The following CEP63 variants were observed in gnomAD, a reference collection of about 807,000 sequenced individuals.
CEP63 encodes the protein centrosomal protein of 63 kDa.
In CEP63, 84 loss-of-function variants were observed where a neutral mutation model predicts 89.1. The observed-to-expected ratio is 0.94, with a 90% CI of 0.79 to 1.13. The LOEUF is 1.13. Among genes scored for constraint, CEP63 ranks in the 50% most tolerant of loss-of-function variants. The pLI is 0.00. For synonymous variants in CEP63, 267 were observed against 272.5 expected, an observed-to-expected ratio of 0.98 and a Z score of 0.20; for missense variants, 838 against 813.3, an observed-to-expected ratio of 1.03 and a Z score of -0.37.
the CEP63 span, among the ~76,000 whole-genome samples, chr3:134,672,606 T>C: frequency 2.0e-5 from 3 of 152,214 alleles, no homozygotes; most frequent in African/African-American, 7.2e-5. Flanking sequence ...TTGCACCTCT[T>C]TCTTGAACAC....
At chr3:134,534,293 T>A (rs1164902627) in intron 5 of CEP63, among the ~76,000 whole-genome samples, 1 of 152,210 alleles carries the variant, frequency 6.6e-6, no homozygotes, top group African/African-American at 2.4e-5. Flanking sequence ...ATAGTTTGAT[T>A]ATCTTTGTGT....
chr3:134,759,620 G>A, the CEP63 span, among the ~76,000 whole-genome samples: 1 of 152,182 alleles, frequency 6.6e-6, no homozygotes, highest in African/African-American at 2.4e-5. Flanking sequence ...TTGGAGAAAG[G>A]AAAAACCAAG....
At chr3:134,665,375 G>A in the CEP63 span, among the ~76,000 whole-genome samples, 1 of 152,314 alleles carries the variant, frequency 6.6e-6, no homozygotes, top group African/African-American at 2.4e-5. Flanking sequence ...AGTGGCTGTT[G>A]CACAAGCAAG....
intron 6 of CEP63, among the ~76,000 whole-genome samples, chr3:134,539,625 TCA>T (rs1951576168): frequency 2.6e-5 from 4 of 152,164 alleles, no homozygotes; most frequent in Admixed American, 2.6e-4. Flanking sequence ...GAAAGGTGGG[TCA>T]CCATTGAACA....
At chr3:134,570,677 G>T (rs1022188117) in intron 11 of CEP63, among the ~76,000 whole-genome samples, 3 of 152,188 alleles carry the variant, frequency 2.0e-5, no homozygotes, top group African/African-American at 7.2e-5. Flanking sequence ...ACCTCTGCCT[G>T]CTACCCAGTT....
downstream of CEP63, among the ~76,000 whole-genome samples, chr3:134,575,225 C>T (rs867042074): frequency 1.6e-4 from 7 of 44,952 alleles, no homozygotes; most frequent in African/African-American, 5.1e-4. Context: ...CTCCCTCCCT[C>T]CCTCCCTCCC....
chr3:134,676,843 T>C, the CEP63 span, among the ~76,000 whole-genome samples: 56 of 152,234 alleles, frequency 3.7e-4, no homozygotes, highest in Non-Finnish European at 6.5e-4. Context: ...GAACCTAGCC[T>C]GGCAGACATG....
chr3:134,776,817 A>G, the CEP63 span, among the ~76,000 whole-genome samples: 2 of 152,248 alleles, frequency 1.3e-5, no homozygotes, highest in Non-Finnish European at 2.9e-5. Flanking sequence ...AAGATATGAC[A>G]CTTACTTGAG....
intron 3 of CEP63, among the ~76,000 whole-genome samples, chr3:134,527,858 AC>A: frequency 6.6e-6 from 1 of 152,162 alleles, no homozygotes; most frequent in Admixed American, 6.5e-5. Context: ...GATGGACAAG[AC>A]TACCCTGCAG....
chr3:134,699,617 C>A, the CEP63 span, among the ~76,000 whole-genome samples: 1 of 152,248 alleles, frequency 6.6e-6, no homozygotes, highest in African/African-American at 2.4e-5. Flanking sequence ...TGCTCCTTGT[C>A]TGTCTGCCTT....
chr3:134,666,523 G>A, the CEP63 span, among the ~76,000 whole-genome samples: 1 of 152,150 alleles, frequency 6.6e-6, no homozygotes, highest in Non-Finnish European at 1.5e-5. Flanking sequence ...GGGCAGGCAG[G>A]AGCCAGGGCA....
chr3:134,660,684 G>C, the CEP63 span, among the ~76,000 whole-genome samples: 1 of 152,196 alleles, frequency 6.6e-6, no homozygotes, highest in Non-Finnish European at 1.5e-5. Flanking sequence ...GATTTAGTGA[G>C]GGCAACATAG....
chr3:134,575,172 C>T (rs1958171107), downstream of CEP63, among the ~76,000 whole-genome samples: 1 of 133,112 alleles, frequency 7.5e-6, no homozygotes, highest in African/African-American at 2.9e-5. Context: ...CTTCCCCTCC[C>T]TCCCTGTCTC....
At chr3:134,629,736 C>A in the CEP63 span, 14 of 1,339,708 alleles carry the variant, frequency 1.0e-5, no homozygotes, top group East Asian at 1.2e-4. Flanking sequence ...CCAGATGCTG[C>A]CAGGAAAGGG....
chr3:134,620,741 G>C, the CEP63 span: 3 of 1,605,674 alleles, frequency 1.9e-6, no homozygotes, highest in Admixed American at 1.7e-5. Flanking sequence ...TTCCACAGGG[G>C]GGCCTACCTA....
chr3:134,762,713 C>T, the CEP63 span, among the ~76,000 whole-genome samples: 2 of 152,174 alleles, frequency 1.3e-5, no homozygotes, highest in Non-Finnish European at 1.5e-5. Flanking sequence ...ACTAACACCT[C>T]GATTTCAGAT....
the CEP63 span, among the ~76,000 whole-genome samples, chr3:134,769,144 A>G: frequency 6.6e-6 from 1 of 152,180 alleles, no homozygotes; most frequent in Non-Finnish European, 1.5e-5. Context: ...TAGGCAAGAG[A>G]ACACATTCTT....
chr3:134,755,164 A>T, the CEP63 span, among the ~76,000 whole-genome samples: 2 of 152,184 alleles, frequency 1.3e-5, no homozygotes, highest in Non-Finnish European at 2.9e-5. Context: ...GGTACAAAGA[A>T]GGGAGATGGG....
chr3:134,629,757 A>C, the CEP63 span: 1 of 935,642 alleles, frequency 1.1e-6, no homozygotes, highest in Non-Finnish European at 1.7e-6. Context: ...TGAATGCCTC[A>C]TGACTGATGA....
Sources: allele counts gnomAD v4.1 joint callset (sites outside exome capture counted in the v4.1 genomes callset), GRCh38; gene constraint gnomAD v4.1.1; transcripts MANE v1.5; gene names NCBI Gene and HGNC (gene_info 2026-07-23, HGNC 2026-07-21).